Variants in SPIRE1 observed in about 807,000 individuals in gnomAD.
SPIRE1 encodes the protein protein spire homolog 1.
In SPIRE1, 40 loss-of-function variants were observed where a neutral mutation model predicts 94.1. The observed-to-expected ratio is 0.43, with a 90% CI of 0.33 to 0.55. SPIRE1 has a LOEUF of 0.55. Among genes scored for constraint, SPIRE1 ranks in the 20% least tolerant of loss-of-function variants. SPIRE1 has a pLI of 0.06. For synonymous variants in SPIRE1, 376 were observed against 371.7 expected (o/e 1.01, Z -0.13); for missense variants, 838 against 975.2 (o/e 0.86, Z 1.87).
At chr18:12,502,820 C>T (rs1171307362) in intron 6 of SPIRE1, among the ~76,000 whole-genome samples, 3 of 152,034 alleles carry the variant, frequency 2.0e-5, no homozygotes, top group Admixed American at 6.6e-5. Context: ...GGAAATACCC[C>T]ATGTGGGTGG....
At chr18:12,635,393 T>C (rs917475012) in intron 1 of SPIRE1, among the ~76,000 whole-genome samples, 6 of 152,176 alleles carry the variant, frequency 3.9e-5, no homozygotes, top group African/African-American at 1.4e-4. Flanking sequence ...ACAAAAACAT[T>C]TGAAAGTCTT....
intron 10 of SPIRE1, among the ~76,000 whole-genome samples, chr18:12,466,273 C>T (rs943240487): frequency 6.6e-6 from 1 of 151,928 alleles, no homozygotes; most frequent in Non-Finnish European, 1.5e-5. Flanking sequence ...TACTTAGTAT[C>T]TATAGATATA....
intron 10 of SPIRE1, among the ~76,000 whole-genome samples, chr18:12,477,633 C>T (rs2032655292): frequency 6.6e-6 from 1 of 151,992 alleles, no homozygotes; most frequent in Non-Finnish European, 1.5e-5. Flanking sequence ...TTAAAGTGTT[C>T]CAGTGAAACA....
chr18:12,633,589 AAAAG>A (rs950850618), intron 2 of SPIRE1, among the ~76,000 whole-genome samples: 2 of 151,834 alleles, frequency 1.3e-5, no homozygotes, highest in African/African-American at 4.8e-5. Flanking sequence ...AGAAAAAAAA[AAAAG>A]AAAGAAAATA....
chr18:12,473,114 G>C (rs545377758), intron 10 of SPIRE1, among the ~76,000 whole-genome samples: 3 of 152,060 alleles, frequency 2.0e-5, no homozygotes, highest in African/African-American at 7.2e-5. Flanking sequence ...TAGAGATGGG[G>C]GTCTTGCTAT....
chr18:12,489,175 G>A (rs7239444), intron 8 of SPIRE1, among the ~76,000 whole-genome samples: 28 of 152,084 alleles, frequency 1.8e-4, no homozygotes, highest in Middle Eastern at 6.3e-3. Context: ...GAGACAGTGC[G>A]AGACTCCGTC....
chr18:12,466,061 G>A (rs1245065528), intron 10 of SPIRE1, among the ~76,000 whole-genome samples: 2 of 151,230 alleles, frequency 1.3e-5, no homozygotes, highest in South Asian at 4.2e-4. Flanking sequence ...TCCAGCCTGG[G>A]TGACAGAGTG....
chr18:12,510,288 G>C (rs556243064), intron 5 of SPIRE1, among the ~76,000 whole-genome samples: 1 of 151,946 alleles, frequency 6.6e-6, no homozygotes, highest in East Asian at 1.9e-4. Flanking sequence ...TTTGATTGTG[G>C]TGATGGTTTC....
At chr18:12,561,374 A>G (rs1026225579) in intron 2 of SPIRE1, among the ~76,000 whole-genome samples, 1 of 150,770 alleles carries the variant, frequency 6.6e-6, no homozygotes, top group African/African-American at 2.4e-5. Context: ...GGTTCAGGCG[A>G]TTCTCCTGCC....
At chr18:12,634,041 G>T (rs1056574143) in intron 2 of SPIRE1, among the ~76,000 whole-genome samples, 1 of 152,128 alleles carries the variant, frequency 6.6e-6, no homozygotes, top group Non-Finnish European at 1.5e-5. Flanking sequence ...GAGGTCAGGA[G>T]ATCGAGACCA....
chr18:12,563,351 C>G (rs1224007489), intron 2 of SPIRE1, among the ~76,000 whole-genome samples: 1 of 151,868 alleles, frequency 6.6e-6, no homozygotes. Context: ...GGGTCTCCAG[C>G]CCAGGCTGGA....
At chr18:12,556,761 T>A (rs1598467953) in intron 2 of SPIRE1, among the ~76,000 whole-genome samples, 1 of 152,126 alleles carries the variant, frequency 6.6e-6, no homozygotes, top group Admixed American at 6.5e-5. Flanking sequence ...GCGGTGAGTG[T>A]TACAGCTCAT....
At chr18:12,533,116 G>A (rs894288832) in intron 4 of SPIRE1, among the ~76,000 whole-genome samples, 5 of 152,220 alleles carry the variant, frequency 3.3e-5, no homozygotes. Flanking sequence ...GGGAAAGGGT[G>A]AGATGGAGAT....
intron 12 of SPIRE1, among the ~76,000 whole-genome samples, chr18:12,461,562 T>TG (rs1568184229): frequency 7.3e-6 from 1 of 136,884 alleles, no homozygotes; most frequent in South Asian, 2.2e-4. Flanking sequence ...TACATGCGTG[T>TG]ATATGTATGT....
intron 2 of SPIRE1, among the ~76,000 whole-genome samples, chr18:12,583,011 CTAAT>C (rs1174059083): frequency 1.3e-5 from 2 of 152,144 alleles, no homozygotes; most frequent in African/African-American, 4.8e-5. Context: ...ATCTGCTTTA[CTAAT>C]TCAATTCAAT....
chr18:12,490,589 C>T (rs1018270007), intron 8 of SPIRE1, among the ~76,000 whole-genome samples: 3 of 152,158 alleles, frequency 2.0e-5, no homozygotes, highest in African/African-American at 7.2e-5. Flanking sequence ...GATCATACAT[C>T]ATGACCAAGT....
rs764759721 is a variant in SPIRE1, at chr18:12,449,914, C to T, written c.2013-18G>A. Reference sequence around the variant, plus strand: ...AGGAGAACCTGGGGTGAAAACAAAACAGAAGCCCAGCATTGTTACTTATAG... The same window carrying T: ...AGGAGAACCTGGGGTGAAAACAAAATAGAAGCCCAGCATTGTTACTTATAG... On this transcript the variant is annotated intron_variant, in intron 16 of 16. Transcript: ENST00000409402. 2 of 1,610,316 alleles carry T rather than the reference C, an allele frequency of 1.2e-6. No homozygotes were observed. The highest frequency in any genetic ancestry group is 2.2e-5 in the South Asian group (2 of 90,674).
intron 2 of SPIRE1, among the ~76,000 whole-genome samples, chr18:12,607,833 T>C (rs374506813): frequency 2.6e-4 from 39 of 152,138 alleles, no homozygotes; most frequent in Non-Finnish European, 5.0e-4. Context: ...TACCCTAATG[T>C]GATTATCACA....
intron 12 of SPIRE1, among the ~76,000 whole-genome samples, chr18:12,461,410 ATGTATG>A (rs1303246652): frequency 1.9e-5 from 2 of 103,936 alleles, no homozygotes; most frequent in African/African-American, 3.9e-5. Context: ...ACCTATACAC[ATGTATG>A]TGTGTGTGTG....
Sources: gnomAD v4.1 joint callset for allele counts (sites outside exome capture counted in the v4.1 genomes callset) on GRCh38, gnomAD v4.1.1 for gene constraint, MANE v1.5 for transcripts, NCBI Gene and HGNC (gene_info 2026-07-23, HGNC 2026-07-21) for gene names.